The following OPCML variants were observed in gnomAD, a reference collection of about 807,000 sequenced individuals.
OPCML encodes opioid-binding protein/cell adhesion molecule.
OPCML carries 13 observed loss-of-function variants against 37.8 expected under a neutral mutation model. The ratio of observed to expected loss-of-function variants is 0.34; its 90% CI spans 0.22 to 0.55. The LOEUF (loss-of-function observed/expected upper bound fraction) is 0.55. OPCML is among the 20% of genes least tolerant of loss of function. The pLI is 0.91. For synonymous variants in OPCML, 176 were observed against 168.8 expected (o/e 1.04, Z -0.33); for missense variants, 341 against 435.6 (o/e 0.78, Z 1.93).
At chr11:133,170,916 G>C (rs1950280172) in intron 1 of OPCML, among the ~76,000 whole-genome samples, 1 of 152,164 alleles carries the variant, frequency 6.6e-6, no homozygotes, top group Non-Finnish European at 1.5e-5. Flanking sequence ...GAGAAATTTG[G>C]ACTCAGACTC....
chr11:132,466,998 A>G (rs2136937884), intron 4 of OPCML, among the ~76,000 whole-genome samples: 1 of 152,180 alleles, frequency 6.6e-6, no homozygotes, highest in African/African-American at 2.4e-5. Flanking sequence ...CAGAACAACA[A>G]AAAGGAACAG....
intron 3 of OPCML, among the ~76,000 whole-genome samples, chr11:132,571,221 G>C (rs7929410): frequency 0.029 from 4,444 of 151,968 alleles, 246 homozygotes; most frequent in African/African-American, 0.1. Context: ...GGGGGGTCTC[G>C]GGCCTTCAGC....
chr11:132,903,996 A>G (rs1944149630), intron 2 of OPCML, among the ~76,000 whole-genome samples: 1 of 152,230 alleles, frequency 6.6e-6, no homozygotes, highest in South Asian at 2.1e-4. Flanking sequence ...ATATTATCTT[A>G]TAACCCCTGA....
At position 133,321,432 on chromosome 11, in the gene OPCML, G is replaced by C. The variant is rs189217519; in HGVS notation, c.61+210832C>G. Among the ~76,000 whole-genome samples the C allele has an allele frequency of 2.0e-5, 3 of 152,302 alleles. No individual in the cohort carries two copies. In the East Asian group the frequency reaches 5.8e-4, roughly 30 times the overall value. On this transcript the variant is annotated intron_variant, in intron 1 of 7. Transcript: ENST00000524381. Reference sequence around the variant, plus strand: ...GTTGGTTTGGATGGTGTATTCAAAAGATAGATCGTATCAGACTGCCAGTGT... The same window carrying C: ...GTTGGTTTGGATGGTGTATTCAAAACATAGATCGTATCAGACTGCCAGTGT...
At chr11:132,425,475 T>G (rs2095974995) in intron 7 of OPCML, among the ~76,000 whole-genome samples, 1 of 152,320 alleles carries the variant, frequency 6.6e-6, no homozygotes, top group Admixed American at 6.5e-5. Context: ...AAACAGTTTA[T>G]TTTATGTATA....
At chr11:133,176,629 C>T (rs1011282085) in intron 1 of OPCML, among the ~76,000 whole-genome samples, 2 of 152,062 alleles carry the variant, frequency 1.3e-5, no homozygotes, top group Admixed American at 6.6e-5. Flanking sequence ...GGCACCTCCC[C>T]TTCCTCTTGC....
chr11:132,830,763 T>C (rs1210808706), intron 2 of OPCML, among the ~76,000 whole-genome samples: 1 of 152,176 alleles, frequency 6.6e-6, no homozygotes, highest in Non-Finnish European at 1.5e-5. Context: ...AAATTGTACA[T>C]GTGTCATACC....
At chr11:133,213,221 G>T (rs1471701243) in intron 1 of OPCML, among the ~76,000 whole-genome samples, 2 of 105,970 alleles carry the variant, frequency 1.9e-5, no homozygotes, top group African/African-American at 7.3e-5. Flanking sequence ...TATTCATAAT[G>T]AGTTTTTTTT....
chr11:132,780,697 C>A (rs781281990), intron 2 of OPCML, among the ~76,000 whole-genome samples: 1 of 152,064 alleles, frequency 6.6e-6, no homozygotes, highest in Non-Finnish European at 1.5e-5. Flanking sequence ...AAAGGGTGGC[C>A]GTGAGTGTGT....
At chr11:133,165,206 T>G (rs573173032) in intron 1 of OPCML, among the ~76,000 whole-genome samples, 1 of 152,260 alleles carries the variant, frequency 6.6e-6, no homozygotes, top group South Asian at 2.1e-4. Flanking sequence ...AGAGGCTTGG[T>G]GTAGGCAGAT....
intron 2 of OPCML, among the ~76,000 whole-genome samples, chr11:132,828,289 C>T (rs977842836): frequency 6.6e-6 from 1 of 152,054 alleles, no homozygotes; most frequent in African/African-American, 2.4e-5. Flanking sequence ...GGGCCATAAC[C>T]ACCCGGTATG....
chr11:133,325,858 G>A (rs1943436935), intron 1 of OPCML, among the ~76,000 whole-genome samples: 1 of 152,124 alleles, frequency 6.6e-6, no homozygotes, highest in Admixed American at 6.5e-5. Flanking sequence ...CTGCAATGCG[G>A]CCCTCTGTTC....
chr11:132,568,244 TC>T (rs2096429090), intron 3 of OPCML, among the ~76,000 whole-genome samples: 1 of 152,132 alleles, frequency 6.6e-6, no homozygotes, highest in Non-Finnish European at 1.5e-5. Flanking sequence ...ATACACAAAG[TC>T]CCTTATACAA....
At chr11:132,962,338 C>T (rs1385267535) in intron 1 of OPCML, among the ~76,000 whole-genome samples, 1 of 152,196 alleles carries the variant, frequency 6.6e-6, no homozygotes, top group African/African-American at 2.4e-5. Flanking sequence ...CACCCTCCCC[C>T]ATCATGATGA....
intron 1 of OPCML, among the ~76,000 whole-genome samples, chr11:133,468,295 C>T (rs1947022329): frequency 6.6e-6 from 1 of 152,206 alleles, no homozygotes; most frequent in African/African-American, 2.4e-5. Flanking sequence ...GGCAGGTGCT[C>T]AAACGTGGCT....
At chr11:133,283,644 G>A (rs1391784199) in intron 1 of OPCML, among the ~76,000 whole-genome samples, 2 of 152,112 alleles carry the variant, frequency 1.3e-5, no homozygotes, top group Non-Finnish European at 2.9e-5. Context: ...ACTGTTCTTG[G>A]GGCCAGATGG....
At chr11:132,986,863 C>T (rs1320557331) in intron 1 of OPCML, among the ~76,000 whole-genome samples, 6 of 152,118 alleles carry the variant, frequency 3.9e-5, no homozygotes, top group Admixed American at 3.9e-4. Flanking sequence ...AGCATATCTA[C>T]AGAAGATGTA....
intron 2 of OPCML, among the ~76,000 whole-genome samples, chr11:132,932,491 C>T (rs1349547814): frequency 6.6e-6 from 1 of 151,896 alleles, no homozygotes; most frequent in Non-Finnish European, 1.5e-5. Flanking sequence ...CTTTTTATCC[C>T]TCTCTCTTCC....
intron 3 of OPCML, among the ~76,000 whole-genome samples, chr11:132,560,860 T>G (rs10750509): frequency 0.71 from 107,215 of 151,986 alleles, 38,114 homozygotes; most frequent in African/African-American, 0.76. Context: ...TCCCACTCTG[T>G]GGGTTGTCTG....
Sources: gnomAD v4.1 joint callset for allele counts (sites outside exome capture counted in the v4.1 genomes callset) on GRCh38, gnomAD v4.1.1 for gene constraint, MANE v1.5 for transcripts, NCBI Gene and HGNC (gene_info 2026-07-23, HGNC 2026-07-21) for gene names.